NR2F1-AS1: variants seen among roughly 807,000 people sequenced by gnomAD.
NR2F1-AS1 encodes NR2F1 regulatory antisense RNA 1.
intron 4 of NR2F1-AS1, among the ~76,000 whole-genome samples, chr5:93,461,164 C>T (rs920558647): frequency 3.9e-5 from 6 of 152,148 alleles, no homozygotes; most frequent in South Asian, 2.1e-4. Flanking sequence ...TAAAAAGGAA[C>T]GAGATCATGT....
intron 4 of NR2F1-AS1, among the ~76,000 whole-genome samples, chr5:93,493,699 C>T (rs1341197579): frequency 6.6e-6 from 1 of 152,028 alleles, no homozygotes; most frequent in Non-Finnish European, 1.5e-5. Context: ...ACCCAAACAT[C>T]TATGGTCAAT....
intron 4 of NR2F1-AS1, among the ~76,000 whole-genome samples, chr5:93,512,665 A>T (rs532625296): frequency 6.6e-6 from 1 of 152,270 alleles, no homozygotes; most frequent in South Asian, 2.1e-4. Context: ...AGTGCCCTAT[A>T]TAGGTGTACC....
At chr5:93,425,762 A>T (rs1749182520) in intron 4 of NR2F1-AS1, among the ~76,000 whole-genome samples, 1 of 152,042 alleles carries the variant, frequency 6.6e-6, no homozygotes, top group Non-Finnish European at 1.5e-5. Context: ...CGTTCCCATG[A>T]TCCCTTGCAT....
intron 4 of NR2F1-AS1, chr5:93,543,338 G>GT (rs1561491886): frequency 6.6e-6 from 1 of 152,052 alleles, no homozygotes; most frequent in Non-Finnish European, 1.5e-5. Context: ...CTACACTTGC[G>GT]TATTTAAAAA....
At chr5:93,555,500 C>T (rs1257653547) in intron 2 of NR2F1-AS1, among the ~76,000 whole-genome samples, 2 of 152,058 alleles carry the variant, frequency 1.3e-5, no homozygotes, top group South Asian at 2.1e-4. Context: ...AGAAAGATAA[C>T]GGAGATGACT....
chr5:93,450,735 T>C (rs936419207), intron 4 of NR2F1-AS1, among the ~76,000 whole-genome samples: 3 of 151,714 alleles, frequency 2.0e-5, no homozygotes, highest in Non-Finnish European at 2.9e-5. Context: ...CTACAAGGTT[T>C]CTCAGAACTT....
At chr5:93,550,587 T>C (rs1366635547) in intron 4 of NR2F1-AS1, among the ~76,000 whole-genome samples, 1 of 152,242 alleles carries the variant, frequency 6.6e-6, no homozygotes, top group African/African-American at 2.4e-5. Flanking sequence ...AGAACTGATA[T>C]CAACAGTTTT....
chr5:93,452,897 C>A (rs138360518), intron 4 of NR2F1-AS1, among the ~76,000 whole-genome samples: 197 of 151,956 alleles, frequency 1.3e-3, no homozygotes, highest in African/African-American at 4.4e-3. Context: ...AAACCCAGTA[C>A]GCAACAACAT....
intron 4 of NR2F1-AS1, among the ~76,000 whole-genome samples, chr5:93,443,528 C>T (rs1454230137): frequency 1.3e-5 from 2 of 152,100 alleles, no homozygotes; most frequent in Non-Finnish European, 2.9e-5. Context: ...AGAACAAAGC[C>T]TCCAAGAAAT....
chr5:93,443,383 C>T (rs1020340093), intron 4 of NR2F1-AS1, among the ~76,000 whole-genome samples: 4 of 151,864 alleles, frequency 2.6e-5, no homozygotes, highest in South Asian at 2.1e-4. Flanking sequence ...AACCATGGCG[C>T]GAGAATTACG....
upstream of NR2F1-AS1, among the ~76,000 whole-genome samples, chr5:93,582,443 G>C (rs1156446943): frequency 2.6e-5 from 4 of 151,950 alleles, no homozygotes; most frequent in Non-Finnish European, 5.9e-5. Context: ...GTATACTTTG[G>C]ATTAAAAAAT....
intron 4 of NR2F1-AS1, among the ~76,000 whole-genome samples, chr5:93,486,526 C>T (rs1750721632): frequency 6.6e-6 from 1 of 152,098 alleles, no homozygotes; most frequent in African/African-American, 2.4e-5. Flanking sequence ...CACATACACC[C>T]TCCCAAGACT....
chr5:93,421,430 T>C (rs1165786352), intron 4 of NR2F1-AS1, among the ~76,000 whole-genome samples: 1 of 152,112 alleles, frequency 6.6e-6, no homozygotes, highest in Non-Finnish European at 1.5e-5. Context: ...ATATTCTTTA[T>C]CAGGTTTTAA....
At chr5:93,438,281 G>A (rs1393623414) in intron 4 of NR2F1-AS1, among the ~76,000 whole-genome samples, 1 of 152,204 alleles carries the variant, frequency 6.6e-6, no homozygotes, top group Non-Finnish European at 1.5e-5. Flanking sequence ...GAAGTGTGGT[G>A]AGCCAGCCCA....
chr5:93,550,365 C>T (rs1004292147), intron 4 of NR2F1-AS1, among the ~76,000 whole-genome samples: 5 of 152,172 alleles, frequency 3.3e-5, no homozygotes, highest in African/African-American at 1.2e-4. Flanking sequence ...AAAAGAGACC[C>T]TCCCTATTAA....
chr5:93,430,861 T>TATCATCATCATC (rs138817898), intron 4 of NR2F1-AS1, among the ~76,000 whole-genome samples: 2,749 of 149,634 alleles, frequency 0.018, 101 homozygotes, highest in African/African-American at 0.065. Context: ...TCCCTTGCTT[T>TATCATCATCATC]ATCATCATCA....
At chr5:93,524,591 T>C (rs1055339583) in intron 4 of NR2F1-AS1, among the ~76,000 whole-genome samples, 1 of 152,094 alleles carries the variant, frequency 6.6e-6, no homozygotes, top group African/African-American at 2.4e-5. Flanking sequence ...GAAACAATGT[T>C]AAGGGCAGCC....
At chr5:93,581,493 C>G (rs1179334729), upstream of NR2F1-AS1, among the ~76,000 whole-genome samples, 1 of 152,114 alleles carries the variant, frequency 6.6e-6, no homozygotes, top group African/African-American at 2.4e-5. Context: ...AAGGCACAGG[C>G]TGCCTGCGGG....
chr5:93,565,235 A>C (rs747819861), intron 1 of NR2F1-AS1, among the ~76,000 whole-genome samples: 25 of 152,234 alleles, frequency 1.6e-4, no homozygotes, highest in Non-Finnish European at 3.2e-4. Flanking sequence ...GGAACACAAG[A>C]AGCACTGAAA....
Sources: allele counts gnomAD v4.1 joint callset (sites outside exome capture counted in the v4.1 genomes callset), GRCh38; gene constraint gnomAD v4.1.1; transcripts MANE v1.5; gene names NCBI Gene and HGNC (gene_info 2026-07-23, HGNC 2026-07-21).